ASCC3: variants seen among roughly 807,000 people sequenced by gnomAD.
ASCC3 encodes the protein ASC-1 complex subunit P200.
ASCC3 carries 158 observed loss-of-function variants against 256.3 expected under a neutral mutation model. That is an observed-to-expected ratio of 0.62 (90% CI 0.54 to 0.70). The LOEUF (loss-of-function observed/expected upper bound fraction) is 0.70, where lower values mean the gene tolerates loss of function less well. Among genes scored for constraint, ASCC3 ranks in the 30% least tolerant of loss-of-function variants. The pLI is 0.00. For synonymous variants in ASCC3, 948 were observed against 883.4 expected (o/e 1.07, Z -1.30); for missense variants, 2,259 against 2,626.0 (o/e 0.86, Z 3.05).
At chr6:100,833,621 G>GT (rs1431861392) in intron 4 of ASCC3, among the ~76,000 whole-genome samples, 3 of 152,010 alleles carry the variant, frequency 2.0e-5, no homozygotes. Flanking sequence ...CCAAAAATTA[G>GT]TTTATTAATT....
At chr6:100,569,928 T>A (rs1770499891) in intron 36 of ASCC3, among the ~76,000 whole-genome samples, 1 of 152,224 alleles carries the variant, frequency 6.6e-6, no homozygotes, top group Admixed American at 6.5e-5. Flanking sequence ...GGAATGTTTT[T>A]CCATTTGTTT....
chr6:100,798,353 A>T (rs936755677), intron 8 of ASCC3, among the ~76,000 whole-genome samples: 2 of 151,970 alleles, frequency 1.3e-5, no homozygotes, highest in African/African-American at 4.8e-5. Flanking sequence ...AGAATTTGCC[A>T]CCCCCTCAAT....
chr6:100,530,479 T>G, intron 37 of ASCC3: 2 of 792,674 alleles, frequency 2.5e-6, no homozygotes, highest in South Asian at 2.7e-5. Context: ...TTAGAACAAC[T>G]GTACAATAGA....
At chr6:100,864,039 A>AG (rs1773357130) in intron 3 of ASCC3, 25 bp downstream of exon 3, 1 of 1,501,804 alleles carries the variant, frequency 6.7e-7, no homozygotes, top group Non-Finnish European at 9.0e-7. Flanking sequence ...CTTTAAAAAA[A>AG]AAAAAGAAAA....
chr6:100,594,187 A>G (rs1772156152), intron 34 of ASCC3, among the ~76,000 whole-genome samples: 1 of 152,062 alleles, frequency 6.6e-6, no homozygotes, highest in Admixed American at 6.6e-5. Flanking sequence ...CTTTACCTAT[A>G]TATAACTATA....
chr6:100,537,325 C>T (rs1775207625), intron 37 of ASCC3, among the ~76,000 whole-genome samples: 2 of 152,020 alleles, frequency 1.3e-5, no homozygotes, highest in African/African-American at 4.8e-5. Context: ...TCAGGCAAAT[C>T]CAAACTGTGG....
At chr6:100,799,351 C>A (rs532897068) in intron 7 of ASCC3, 80 bp downstream of exon 7, 2 of 1,516,210 alleles carry the variant, frequency 1.3e-6, no homozygotes, top group Admixed American at 3.4e-5. Flanking sequence ...GTTAGACTCA[C>A]GAAGGAACAG....
intron 3 of ASCC3, among the ~76,000 whole-genome samples, chr6:100,862,988 T>C (rs746434536): frequency 6.4e-4 from 97 of 152,284 alleles, no homozygotes; most frequent in Middle Eastern, 6.8e-3. Context: ...TTTGAGGAAG[T>C]TGAAGACAGA....
intron 8 of ASCC3, among the ~76,000 whole-genome samples, chr6:100,770,158 T>C (rs963940701): frequency 6.6e-6 from 1 of 151,908 alleles, no homozygotes; most frequent in African/African-American, 2.4e-5. Flanking sequence ...CTAATACTCC[T>C]CAAAGCATAA....
intron 8 of ASCC3, among the ~76,000 whole-genome samples, chr6:100,772,592 T>C (rs1299580200): frequency 6.6e-6 from 1 of 152,208 alleles, no homozygotes; most frequent in Admixed American, 6.5e-5. Context: ...TCAGAAGAGA[T>C]CACAGTAGTA....
chr6:100,513,523 C>G (rs978135743), intron 39 of ASCC3, among the ~76,000 whole-genome samples: 5 of 152,062 alleles, frequency 3.3e-5, no homozygotes, highest in African/African-American at 1.2e-4. Context: ...CCACTGACCA[C>G]TTATTGTACA....
At chr6:100,810,235 T>C (rs529729764) in intron 4 of ASCC3, among the ~76,000 whole-genome samples, 10 of 152,236 alleles carry the variant, frequency 6.6e-5, no homozygotes, top group Admixed American at 5.2e-4. Context: ...ATGCTGGTCT[T>C]ACTAGGCAGA....
At chr6:100,613,261 AC>A (rs1022201858) in intron 30 of ASCC3, among the ~76,000 whole-genome samples, 18 of 151,444 alleles carry the variant, frequency 1.2e-4, no homozygotes, top group Non-Finnish European at 1.9e-4. Context: ...CTACTCTGTC[AC>A]CCTTCCAAGT....
chr6:100,796,556 T>C (rs1243987657), intron 8 of ASCC3, among the ~76,000 whole-genome samples: 1 of 152,112 alleles, frequency 6.6e-6, no homozygotes, highest in African/African-American at 2.4e-5. Context: ...CTGATAGGGC[T>C]GGTGAACCTG....
intron 4 of ASCC3, among the ~76,000 whole-genome samples, chr6:100,827,539 C>T (rs1428626479): frequency 6.6e-6 from 1 of 152,072 alleles, no homozygotes; most frequent in African/African-American, 2.4e-5. Flanking sequence ...GAATCATATT[C>T]TATTAGATGC....
chr6:100,745,136 G>A (rs1029915958), intron 10 of ASCC3, among the ~76,000 whole-genome samples: 2 of 152,146 alleles, frequency 1.3e-5, no homozygotes, highest in Non-Finnish European at 2.9e-5. Flanking sequence ...AGACCAGCCT[G>A]ATCAACACGA....
At chr6:100,560,965 T>C (rs1188753554) in intron 36 of ASCC3, among the ~76,000 whole-genome samples, 1 of 152,012 alleles carries the variant, frequency 6.6e-6, no homozygotes, top group African/African-American at 2.4e-5. Context: ...CACCAGACAT[T>C]AAACTTCTAG....
chr6:100,837,758 G>C (rs1017611783), intron 4 of ASCC3, among the ~76,000 whole-genome samples: 7 of 152,044 alleles, frequency 4.6e-5, no homozygotes, highest in African/African-American at 1.7e-4. Context: ...AACAAGGAGA[G>C]TTTGGCCAAT....
chr6:100,766,380 C>T (rs1284458535), intron 10 of ASCC3, among the ~76,000 whole-genome samples, 185 bp downstream of exon 10: 1 of 152,042 alleles, frequency 6.6e-6, no homozygotes, highest in African/African-American at 2.4e-5. Context: ...AGAAGGGATA[C>T]CAGAAAACAA....
Sources: gnomAD v4.1 joint callset for allele counts (sites outside exome capture counted in the v4.1 genomes callset) on GRCh38, gnomAD v4.1.1 for gene constraint, MANE v1.5 for transcripts, NCBI Gene and HGNC (gene_info 2026-07-23, HGNC 2026-07-21) for gene names.